Variants in ZFHX3 observed in about 807,000 individuals in gnomAD.
The protein encoded by ZFHX3 is zinc finger homeobox 3.
In ZFHX3, 42 loss-of-function variants were observed where a neutral mutation model predicts 279.1. The observed-to-expected ratio is 0.15, with a 90% CI of 0.12 to 0.19. ZFHX3 has a LOEUF of 0.19. Ranked by LOEUF, ZFHX3 falls within the 10% of genes least tolerant of loss-of-function variation. The probability of loss-of-function intolerance (pLI) is 1.00; values close to 1 mark genes in which losing one functional copy is unlikely to be tolerated. For missense variants in ZFHX3, 4,981 were observed against 4,754.0 expected, an observed-to-expected ratio of 1.05 and a Z score of -1.40; for synonymous variants, 2,293 against 1,957.8, an observed-to-expected ratio of 1.17 and a Z score of -4.52.
intron 4 of ZFHX3, among the ~76,000 whole-genome samples, chr16:72,838,094 A>G (rs1287460290): frequency 6.6e-6 from 1 of 152,140 alleles, no homozygotes; most frequent in East Asian, 1.9e-4. Flanking sequence ...AAAACCCCAC[A>G]CTGAAGGAAT....
chr16:73,419,443 AG>A (rs1274665471), intron 3 of ZFHX3, among the ~76,000 whole-genome samples: 1 of 152,094 alleles, frequency 6.6e-6, no homozygotes, highest in African/African-American at 2.4e-5. Flanking sequence ...AAAACCTCCC[AG>A]TTTCTCTCAC....
intron 2 of ZFHX3, among the ~76,000 whole-genome samples, chr16:73,590,974 A>G (rs981520727): frequency 7.2e-5 from 11 of 152,216 alleles, no homozygotes; most frequent in African/African-American, 2.7e-4. Flanking sequence ...TACACAAAAT[A>G]CAGGAACAAA....
chr16:73,709,787 G>GA (rs974780821), intron 1 of ZFHX3, among the ~76,000 whole-genome samples: 25 of 152,042 alleles, frequency 1.6e-4, no homozygotes, highest in Middle Eastern at 3.4e-3. Context: ...CACCCCACAC[G>GA]AAAAAATGGT....
chr16:73,248,109 T>G (rs1290633783), intron 5 of ZFHX3, among the ~76,000 whole-genome samples: 1 of 151,680 alleles, frequency 6.6e-6, no homozygotes, highest in Non-Finnish European at 1.5e-5. Flanking sequence ...TGCCTGTATG[T>G]GGAGTGTGTG....
At chr16:72,827,734 C>T (rs1319586791) in intron 5 of ZFHX3, among the ~76,000 whole-genome samples, 1 of 152,244 alleles carries the variant, frequency 6.6e-6, no homozygotes, top group Non-Finnish European at 1.5e-5. Context: ...CCATCCTCCA[C>T]TCCTCGGTCC....
chr16:73,805,450 T>A (rs1245608843), intron 1 of ZFHX3, among the ~76,000 whole-genome samples: 1 of 152,198 alleles, frequency 6.6e-6, no homozygotes, highest in African/African-American at 2.4e-5. Flanking sequence ...ATTATAGGTG[T>A]GAGCTACCGT....
chr16:72,896,280 C>T (rs1481261816), intron 3 of ZFHX3, among the ~76,000 whole-genome samples: 1 of 152,152 alleles, frequency 6.6e-6, no homozygotes, highest in South Asian at 2.1e-4. Flanking sequence ...TAGGGCTACT[C>T]ATGTTTTAAA....
chr16:73,244,463 G>T (rs72797332), intron 5 of ZFHX3, among the ~76,000 whole-genome samples: 227 of 152,314 alleles, frequency 1.5e-3, no homozygotes, highest in Non-Finnish European at 2.4e-3. Flanking sequence ...CAGGACATGG[G>T]GGCCAGAAGG....
At chr16:73,500,708 A>T (rs1044152191) in intron 2 of ZFHX3, among the ~76,000 whole-genome samples, 1 of 139,250 alleles carries the variant, frequency 7.2e-6, no homozygotes, top group Non-Finnish European at 1.5e-5. Context: ...AAAAAAAAAA[A>T]ACCTCACAGA....
chr16:73,707,889 G>A (rs1220454449), intron 1 of ZFHX3, among the ~76,000 whole-genome samples: 1 of 152,156 alleles, frequency 6.6e-6, no homozygotes, highest in Non-Finnish European at 1.5e-5. Flanking sequence ...CGGGGAGGAA[G>A]GAACTGAGAG....
At chr16:73,768,469 C>T (rs2053979386) in intron 1 of ZFHX3, among the ~76,000 whole-genome samples, 1 of 152,150 alleles carries the variant, frequency 6.6e-6, no homozygotes, top group South Asian at 2.1e-4. Context: ...ATGTATTACT[C>T]TTAAAATCTA....
chr16:73,435,371 G>C (rs888703814), intron 3 of ZFHX3, among the ~76,000 whole-genome samples: 1 of 152,106 alleles, frequency 6.6e-6, no homozygotes, highest in African/African-American at 2.4e-5. Flanking sequence ...ACCAGGCCCA[G>C]CTAATTTTTG....
At chr16:72,947,898 T>C (rs1441195353) in intron 3 of ZFHX3, among the ~76,000 whole-genome samples, 2 of 152,250 alleles carry the variant, frequency 1.3e-5, no homozygotes, top group Admixed American at 6.5e-5. Flanking sequence ...AAAAATAACA[T>C]GCAATCAATC....
intron 3 of ZFHX3, among the ~76,000 whole-genome samples, chr16:73,352,179 C>A (rs2016254550): frequency 6.6e-6 from 1 of 152,192 alleles, no homozygotes; most frequent in Admixed American, 6.5e-5. Flanking sequence ...TGCCTCTCAC[C>A]CGCAGAGAGG....
At chr16:73,848,301 T>C (rs1317684751) in intron 1 of ZFHX3, among the ~76,000 whole-genome samples, 1 of 152,106 alleles carries the variant, frequency 6.6e-6, no homozygotes, top group Non-Finnish European at 1.5e-5. Flanking sequence ...GAGCTTCCTA[T>C]TTCCAGTCTT....
chr16:73,799,207 T>C (rs1960078042), intron 1 of ZFHX3, among the ~76,000 whole-genome samples: 1 of 152,152 alleles, frequency 6.6e-6, no homozygotes, highest in African/African-American at 2.4e-5. Flanking sequence ...AATCTCTTTA[T>C]CTATAAAATG....
intron 5 of ZFHX3, among the ~76,000 whole-genome samples, chr16:72,819,899 T>C (rs2036736701): frequency 1.3e-5 from 2 of 152,172 alleles, no homozygotes; most frequent in Admixed American, 1.3e-4. Context: ...TTTACAGAAA[T>C]CTCTTTCTTT....
In ZFHX3 at chr16:73,669,378, T is replaced by G. The variant is rs141307224; in HGVS notation, c.-1547+10802A>C. Among the ~76,000 whole-genome samples the G allele has an allele frequency of 6.6e-5, 10 of 152,288 alleles. No homozygotes were observed. The East Asian group carries it at 1.9e-3, about 29-fold the overall frequency. On this transcript the variant is annotated intron_variant, in intron 2 of 17. Transcript: ENST00000641206. ...TGATCTTTGTATTTTCTAATGTGGA[T>G]CTGGTTTAACTGAATTCAACTGGAG...
intron 1 of ZFHX3, among the ~76,000 whole-genome samples, chr16:73,001,288 G>GT (rs762614177): frequency 3.3e-5 from 5 of 152,154 alleles, no homozygotes; most frequent in Non-Finnish European, 5.9e-5. Flanking sequence ...ATCAACAACC[G>GT]TGTGTGTGAG....
Sources: allele counts gnomAD v4.1 joint callset (sites outside exome capture counted in the v4.1 genomes callset), GRCh38; gene constraint gnomAD v4.1.1; transcripts MANE v1.5; gene names NCBI Gene and HGNC (gene_info 2026-07-23, HGNC 2026-07-21).